Variants in ZNF740 observed in about 807,000 individuals in gnomAD.
The protein encoded by ZNF740 is oriLyt TD-element-binding protein 7.
A neutral mutation model predicts 24.8 loss-of-function variants in ZNF740; 14 were observed. The observed-to-expected ratio is 0.56, with a 90% CI of 0.37 to 0.88. The LOEUF is 0.88. Among genes scored for constraint, ZNF740 ranks in the 40% least tolerant of loss-of-function variants. ZNF740 has a pLI of 0.00. For missense variants in ZNF740, 201 were observed against 247.9 expected (o/e 0.81, Z 1.27); for synonymous variants, 69 against 84.0 (o/e 0.82, Z 0.98).
chr12:53,192,207 T>G lies in ZNF740; in HGVS notation c.*4617T>G. The G allele has an allele frequency of 8.0e-7, 1 of 1,253,350 alleles. No individual in the cohort carries two copies. The highest frequency in any genetic ancestry group is 1.3e-5 in the South Asian group (1 of 75,364). The allele number at this position is 1,253,350 out of a possible 1,614,324, so 77.6% of individuals were successfully genotyped here. On this transcript the variant is annotated 3_prime_UTR_variant, in exon 7 of 7. Coordinates refer to ENST00000416904, the MANE Select transcript of ZNF740 (RefSeq NM_001004304.4). The stretch of plus-strand genomic sequence containing the variant: ...CCACTTGCTCAATTGCCTCTGCCTT[T>G]GTCCTGGATTCACAGTTCTGCTTCA...
In ZNF740 at chr12:53,194,114, C is replaced by T. The variant is rs1202845357; in HGVS notation, c.*6524C>T. 1.9e-6 allele frequency: 3 copies of T among 1,577,122 alleles called. No individual in the cohort carries two copies. Among genetic ancestry groups the T allele is most frequent in the Non-Finnish European group, 2.6e-6 (3 of 1,152,220 alleles). The stretch of plus-strand genomic sequence containing the variant: ...CAGGCTCTCATGTCACTCCCTGTAC[C>T]TGCCACCCATCTTTTCCTGCCTGCT... On this transcript the variant is annotated 3_prime_UTR_variant, in exon 7 of 7. Coordinates refer to ENST00000416904, the MANE Select transcript of ZNF740 (RefSeq NM_001004304.4).
In ZNF740 at chr12:53,181,802, T is replaced by C. The variant is rs1941655092; in HGVS notation, c.-182T>C. 2.7e-6 allele frequency: 2 copies of C among 747,646 alleles called. No individual in the cohort carries two copies. The highest frequency in any genetic ancestry group is 1.9e-5 in the South Asian group (1 of 51,538). 46.3% of individuals were successfully genotyped at this position (747,646 alleles called of 1,614,324 possible). On this transcript the variant is annotated 5_prime_UTR_variant, in exon 2 of 7. Transcript: ENST00000416904. Reference sequence around the variant, plus strand: ...AGTCCAGGGATTCTTGGAACACCTATCTTTTCTTCGGAGGACACTAAGTTC... The same window carrying C: ...AGTCCAGGGATTCTTGGAACACCTACCTTTTCTTCGGAGGACACTAAGTTC...
In ZNF740 at chr12:53,189,642, A is replaced by G. The variant is rs1164677435; in HGVS notation, c.*2052A>G. The G allele has an allele frequency of 6.6e-6, 1 of 152,162 alleles. No homozygotes were observed. The highest frequency in any genetic ancestry group is 2.4e-5 in the African/African-American group (1 of 41,414). The allele number at this position is 152,162 out of a possible 1,614,324, so 9.4% of individuals were successfully genotyped here. A position where few individuals can be genotyped will look rare whatever the true frequency, so the allele number is the denominator to read the frequency against. On this transcript the variant is annotated 3_prime_UTR_variant, in exon 7 of 7. Transcript: ENST00000416904. ...CTGACACTCCCATTTGATGTGGTCC[A>G]GAACTTAGACCTCAGTCCTTGGATC...
chr12:53,186,356 C>T (rs753202044), intron 5 of ZNF740, 35 bp from the exon 6 acceptor site: 5 of 1,525,812 alleles, frequency 3.3e-6, no homozygotes, highest in Non-Finnish European at 2.7e-6. Flanking sequence ...CTGTACATAC[C>T]TCCCCACATT....
At position 53,187,829 on chromosome 12, in the gene ZNF740, G is replaced by A. The variant is rs368772408; in HGVS notation, c.*239G>A. The A allele has an allele frequency of 1.9e-6, 1 of 516,716 alleles. No homozygotes were observed. The allele number at this position is 516,716 out of a possible 1,614,324, so 32.0% of individuals were successfully genotyped here. On this transcript the variant is annotated 3_prime_UTR_variant, in exon 7 of 7. Transcript: ENST00000416904. Reference sequence around the variant, plus strand: ...ACAGCATTCCTGGGTAGGGGAGCTAGTCCCTGGACCCTTGGCTGAGGTCAT... The same window carrying A: ...ACAGCATTCCTGGGTAGGGGAGCTAATCCCTGGACCCTTGGCTGAGGTCAT...
At chr12:53,186,355 C>A in intron 5 of ZNF740, 36 bp from the exon 6 acceptor site, 1 of 1,523,354 alleles carries the variant, frequency 6.6e-7, no homozygotes, top group Non-Finnish European at 8.9e-7. Flanking sequence ...ACTGTACATA[C>A]CTCCCCACAT....
In ZNF740 at chr12:53,181,941, A is replaced by G; in HGVS notation, c.-43A>G. The G allele has an allele frequency of 6.3e-7, 1 of 1,599,088 alleles. No individual in the cohort carries two copies. Among genetic ancestry groups the G allele is most frequent in the Non-Finnish European group, 8.5e-7 (1 of 1,172,324 alleles). ...CAGTGTCTCAAGGAAAGGTGGACCTAGGAACTCCTGAACTTTTGGGTTGCC... is the reference window on the plus strand; with the variant it reads ...CAGTGTCTCAAGGAAAGGTGGACCTGGGAACTCCTGAACTTTTGGGTTGCC... On this transcript the variant is annotated 5_prime_UTR_variant, in exon 2 of 7. Transcript: ENST00000416904.
chr12:53,186,635 G>A, intron 6 of ZNF740, 126 bp downstream of exon 6: 1 of 676,930 alleles, frequency 1.5e-6, no homozygotes, highest in South Asian at 1.9e-5. Context: ...AACACATCGG[G>A]GTGAAGTGCA....
chr12:53,193,658 T>G lies in ZNF740; in HGVS notation c.*6068T>G. ...AGCAGCGGAGGAATACGGGCCAGGG[T>G]TGGTTGGTTGTTGGGAGCCAGGTGG... is the stretch of plus-strand genomic sequence containing the variant. On this transcript the variant is annotated 3_prime_UTR_variant, in exon 7 of 7. Transcript: ENST00000416904. 2.7e-6 allele frequency: 4 copies of G among 1,490,132 alleles called. No individual in the cohort carries two copies. Among genetic ancestry groups the G allele is most frequent in the Non-Finnish European group, 3.7e-6 (4 of 1,089,118 alleles). The allele number at this position is 1,490,132 out of a possible 1,614,324, so 92.3% of individuals were successfully genotyped here.
At chr12:53,181,479 A>G (rs778088112) in intron 1 of ZNF740, 198 bp from the exon 2 acceptor site, 237 of 985,240 alleles carry the variant, frequency 2.4e-4, no homozygotes, top group Non-Finnish European at 2.8e-4. Context: ...GGCCCCAATT[A>G]CTTTTGCTCC....
rs1942087953 is a variant in ZNF740 at position 53,194,500 on chromosome 12, AG to A, written c.*6912del. 9 of 663,580 alleles carry A rather than the reference AG, an allele frequency of 1.4e-5. No homozygotes were observed. In the East Asian group the frequency reaches 2.5e-4, roughly 18 times the overall value. The allele number at this position is 663,580 out of a possible 1,614,324, so 41.1% of individuals were successfully genotyped here. Reference sequence around the variant, plus strand: ...GCCCAGTCGAGGCATTTCTGGAGGGAGGACCCGTGAGAACCTTGCATAGAAC... The same window carrying A: ...GCCCAGTCGAGGCATTTCTGGAGGGAGACCCGTGAGAACCTTGCATAGAAC... On this transcript the variant is annotated 3_prime_UTR_variant, in exon 7 of 7. Transcript: ENST00000416904.
rs1278279651 is a variant in ZNF740, at chr12:53,191,350, G to C, written c.*3760G>C. The stretch of plus-strand genomic sequence containing the variant: ...TGAGGTAAGACTTTATTGTATACTT[G>C]GGTGGGGTAGCCCAGATGGATGCAA... On this transcript the variant is annotated 3_prime_UTR_variant, in exon 7 of 7. Coordinates refer to ENST00000416904, the MANE Select transcript of ZNF740 (RefSeq NM_001004304.4). 3 of 589,014 alleles carry C rather than the reference G, an allele frequency of 5.1e-6. No homozygotes were observed. The highest frequency in any genetic ancestry group is 9.1e-6 in the Non-Finnish European group (3 of 328,126). The allele number at this position is 589,014 out of a possible 1,614,324, so 36.5% of individuals were successfully genotyped here.
intron 1 of ZNF740, 78 bp downstream of exon 1, chr12:53,180,915 C>T (rs1474121460): frequency 3.9e-6 from 4 of 1,015,728 alleles, no homozygotes; most frequent in Middle Eastern, 4.4e-4. Context: ...CGTGGGGTGC[C>T]GCGCGGGAAG....
intron 4 of ZNF740, 148 bp from the exon 5 acceptor site, chr12:53,185,806 C>G (rs969587505): frequency 4.5e-6 from 5 of 1,114,872 alleles, no homozygotes; most frequent in Non-Finnish European, 5.0e-6. Flanking sequence ...GGGTCTCTTA[C>G]CTCCATGGAG....
rs1941943718 is a variant in ZNF740 at position 53,191,549 on chromosome 12, C to T, written c.*3959C>T. ...AGAAGAGCCTTGGGTAAGTGTCCCT[C>T]CCTCCTTCAGAGAGTGGGACTGTCT... On this transcript the variant is annotated 3_prime_UTR_variant, in exon 7 of 7. Transcript: ENST00000416904. 6.2e-7 allele frequency: 1 copy of T among 1,605,636 alleles called. No homozygotes were observed. The highest frequency in any genetic ancestry group is 2.2e-5 in the East Asian group (1 of 44,832).
Position 53,192,405 on chromosome 12 carries a change from C to G in ZNF740, c.*4815C>G, listed in dbSNP as rs1238309807. 6 of 1,614,134 alleles carry G rather than the reference C, an allele frequency of 3.7e-6. No individual in the cohort carries two copies. Among genetic ancestry groups the G allele is most frequent in the Non-Finnish European group, 3.4e-6 (4 of 1,180,018 alleles). ...ACCAAGAAGAAGAACAGCTGGTTGT[C>G]CAGGGTCCGCTCTTTGCACCAGCCA... On this transcript the variant is annotated 3_prime_UTR_variant, in exon 7 of 7. Coordinates refer to ENST00000416904, the MANE Select transcript of ZNF740 (RefSeq NM_001004304.4).
At position 53,194,179 on chromosome 12, in the gene ZNF740, T is replaced by A; in HGVS notation, c.*6589T>A. The A allele has an allele frequency of 6.2e-7, 1 of 1,613,902 alleles. No homozygotes were observed. On this transcript the variant is annotated 3_prime_UTR_variant, in exon 7 of 7. Coordinates refer to ENST00000416904, the MANE Select transcript of ZNF740 (RefSeq NM_001004304.4). ...CACCTCCCCCTGCCCGCCTTCTGCC[T>A]GTGCTTGCTGGCTCTCACCGTCTGG...
At chr12:53,186,268 C>G (rs925467326) in intron 5 of ZNF740, 123 bp from the exon 6 acceptor site, 2 of 1,143,800 alleles carry the variant, frequency 1.7e-6, no homozygotes, top group Admixed American at 4.7e-5. Flanking sequence ...TTGGGGACCT[C>G]TCCCCATTTA....
Position 53,193,873 on chromosome 12 carries a change from G to T in ZNF740, c.*6283G>T, listed in dbSNP as rs1258383414. On this transcript the variant is annotated 3_prime_UTR_variant, in exon 7 of 7. Transcript: ENST00000416904. ...GAGATGGGGCTCTGGGAGGCAGTGG[G>T]TGGCTTGGAGAGAAACCCAGAAAGT... The T allele has an allele frequency of 1.9e-6, 3 of 1,613,372 alleles. No individual in the cohort carries two copies. Among genetic ancestry groups the T allele is most frequent in the Non-Finnish European group, 2.5e-6 (3 of 1,179,776 alleles).
Sources: allele counts gnomAD v4.1 joint callset, GRCh38; gene constraint gnomAD v4.1.1; transcripts MANE v1.5; gene names NCBI Gene and HGNC (gene_info 2026-07-23, HGNC 2026-07-21).